Variants in LRP1B observed in about 807,000 individuals in gnomAD.
The protein encoded by LRP1B is LDL receptor related protein 1B, also known as low-density lipoprotein receptor-related protein 1B.
In LRP1B, 217 loss-of-function variants were observed where a neutral mutation model predicts 556.6. That is an observed-to-expected ratio of 0.39 (90% CI 0.35 to 0.44). LRP1B has a LOEUF of 0.44. Ranked by LOEUF, LRP1B falls within the 20% of genes least tolerant of loss-of-function variation. LRP1B has a pLI of 1.00. For missense variants in LRP1B, 5,053 were observed against 5,620.8 expected, an observed-to-expected ratio of 0.90 and a Z score of 3.23; for synonymous variants, 2,047 against 1,865.8, an observed-to-expected ratio of 1.10 and a Z score of -2.50.
At chr2:140,459,429 T>C (rs974687833) in intron 60 of LRP1B, among the ~76,000 whole-genome samples, 6 of 152,166 alleles carry the variant, frequency 3.9e-5, no homozygotes, top group Non-Finnish European at 8.8e-5. Context: ...AGGTGATAGT[T>C]AAATCATTAA....
intron 2 of LRP1B, among the ~76,000 whole-genome samples, chr2:141,514,140 T>C (rs1183283385): frequency 6.6e-6 from 1 of 152,086 alleles, no homozygotes; most frequent in Non-Finnish European, 1.5e-5. Context: ...CTTGACTTGC[T>C]CCACTGACCC....
intron 1 of LRP1B, among the ~76,000 whole-genome samples, chr2:142,029,599 G>C (rs959327134): frequency 2.0e-5 from 3 of 151,828 alleles, no homozygotes; most frequent in Non-Finnish European, 2.9e-5. Flanking sequence ...AAAAAAGTGG[G>C]ACAACAACAA....
intron 1 of LRP1B, among the ~76,000 whole-genome samples, chr2:142,007,603 C>T (rs538160149): frequency 1.3e-5 from 2 of 152,266 alleles, no homozygotes; most frequent in Admixed American, 6.5e-5. Flanking sequence ...CAGCTGACAG[C>T]TTAAATTTGG....
At chr2:141,699,119 T>G (rs1691843240) in intron 2 of LRP1B, among the ~76,000 whole-genome samples, 1 of 151,836 alleles carries the variant, frequency 6.6e-6, no homozygotes, top group Admixed American at 6.6e-5. Context: ...TAAATCCTAT[T>G]CATAAGCACG....
At position 140,502,161 on chromosome 2, in the gene LRP1B, C is replaced by T. The variant is rs559265232; in HGVS notation, c.8663-287G>A. 5.9e-5 allele frequency among the ~76,000 whole-genome samples: 9 copies of T among 152,100 alleles called. No homozygotes were observed. In the South Asian group the frequency reaches 1.9e-3, roughly 32 times the overall value. ...AATTAATGAACTATTTCTGCCTCCT[C>T]TATTTTGTGAAGAATGAGTTCAAAA... On this transcript the variant is annotated intron_variant, in intron 54 of 90. Transcript: ENST00000389484.
At chr2:141,336,659 A>C (rs1415234178) in intron 3 of LRP1B, among the ~76,000 whole-genome samples, 1 of 152,218 alleles carries the variant, frequency 6.6e-6, no homozygotes, top group African/African-American at 2.4e-5. Flanking sequence ...TAATCAGGAT[A>C]GAGAATAATT....
At chr2:141,491,772 C>A (rs1683343243) in intron 2 of LRP1B, among the ~76,000 whole-genome samples, 2 of 152,082 alleles carry the variant, frequency 1.3e-5, no homozygotes, top group African/African-American at 4.8e-5. Flanking sequence ...TAGAGATTGC[C>A]TCTGAGCCAA....
intron 29 of LRP1B, among the ~76,000 whole-genome samples, chr2:140,844,836 A>C (rs896784869): frequency 3.3e-5 from 5 of 152,160 alleles, no homozygotes; most frequent in Non-Finnish European, 5.9e-5. Flanking sequence ...ACACACACTC[A>C]CACATTAGCT....
At chr2:140,499,003 T>C (rs1294384883) in intron 55 of LRP1B, among the ~76,000 whole-genome samples, 1 of 151,948 alleles carries the variant, frequency 6.6e-6, no homozygotes, top group Non-Finnish European at 1.5e-5. Flanking sequence ...TGATAACATA[T>C]GCGCACACCT....
At chr2:141,105,673 T>C (rs1700586206) in intron 7 of LRP1B, among the ~76,000 whole-genome samples, 1 of 151,406 alleles carries the variant, frequency 6.6e-6, no homozygotes, top group African/African-American at 2.4e-5. Flanking sequence ...ATTGGATTCT[T>C]TATTCTCTGA....
intron 18 of LRP1B, among the ~76,000 whole-genome samples, chr2:140,979,848 T>G (rs11888460): frequency 0.15 from 22,545 of 152,082 alleles, 2,164 homozygotes; most frequent in African/African-American, 0.27. Flanking sequence ...CAAGCAGGTT[T>G]CTAAAAGTCT....
rs374267020 is a variant in LRP1B at position 140,972,752 on chromosome 2, G to A, written c.2887+9408C>T. 6.7e-4 allele frequency among the ~76,000 whole-genome samples: 102 copies of A among 151,668 alleles called. 4 individuals carry two copies. In the East Asian group the frequency reaches 0.017, roughly 26 times the overall value. The stretch of plus-strand genomic sequence containing the variant: ...GTCAGTATTTATAATGATAATATTT[G>A]ATCATGACTCCGAAACTGAGAGAAA... On this transcript the variant is annotated intron_variant, in intron 18 of 90. Transcript: ENST00000389484.
At chr2:142,087,940 T>C (rs1706007081) in intron 1 of LRP1B, among the ~76,000 whole-genome samples, 1 of 152,096 alleles carries the variant, frequency 6.6e-6, no homozygotes, top group Non-Finnish European at 1.5e-5. Context: ...TTTTATCCTA[T>C]CTAAAGAATA....
chr2:141,079,811 G>A (rs1446532685), intron 7 of LRP1B, among the ~76,000 whole-genome samples: 1 of 152,120 alleles, frequency 6.6e-6, no homozygotes, highest in Admixed American at 6.5e-5. Flanking sequence ...TATTAGGTTG[G>A]TGCAAAAGTA....
At chr2:141,449,770 CT>C (rs1288678500) in intron 3 of LRP1B, among the ~76,000 whole-genome samples, 9 of 152,084 alleles carry the variant, frequency 5.9e-5, no homozygotes, top group African/African-American at 2.2e-4. Flanking sequence ...CAAATGTAAA[CT>C]TTTTTGTGGA....
chr2:142,121,189 CA>C (rs1312151329), intron 1 of LRP1B, among the ~76,000 whole-genome samples: 2 of 152,176 alleles, frequency 1.3e-5, no homozygotes, highest in African/African-American at 4.8e-5. Flanking sequence ...CTCCCTCATT[CA>C]AGCCATCAAC....
chr2:141,209,776 G>A (rs1026253802), intron 6 of LRP1B, among the ~76,000 whole-genome samples: 2 of 152,072 alleles, frequency 1.3e-5, no homozygotes, highest in African/African-American at 4.8e-5. Flanking sequence ...GAAAGTTAAG[G>A]GAAGAGACAA....
In LRP1B at chr2:140,939,843, T is replaced by C. The variant is rs536167492; in HGVS notation, c.3136+10392A>G. Among the ~76,000 whole-genome samples, 4 of 151,676 alleles carry C rather than the reference T, an allele frequency of 2.6e-5. No individual in the cohort carries two copies. The East Asian group carries it at 7.7e-4, about 29-fold the overall frequency. On this transcript the variant is annotated intron_variant, in intron 20 of 90. Coordinates refer to ENST00000389484, the MANE Select transcript of LRP1B (RefSeq NM_018557.3). ...GGTAAAATTTTTTTTAGGAAAAACATGTTTCTTTCTTTATCAAGGACATGC... is the reference window on the plus strand; with the variant it reads ...GGTAAAATTTTTTTTAGGAAAAACACGTTTCTTTCTTTATCAAGGACATGC...
intron 41 of LRP1B, among the ~76,000 whole-genome samples, chr2:140,667,284 T>A (rs1685311691): frequency 1.3e-5 from 2 of 152,142 alleles, no homozygotes; most frequent in Non-Finnish European, 1.5e-5. Context: ...TATATTCAGG[T>A]TTTTAGCTAT....
Sources: allele counts gnomAD v4.1 joint callset (sites outside exome capture counted in the v4.1 genomes callset), GRCh38; gene constraint gnomAD v4.1.1; transcripts MANE v1.5; gene names NCBI Gene and HGNC (gene_info 2026-07-23, HGNC 2026-07-21).